The following GABRA3 variants were observed in gnomAD, a reference collection of about 807,000 sequenced individuals.
GABRA3 encodes gamma-aminobutyric acid receptor subunit alpha-3.
In GABRA3, 10 loss-of-function variants were observed where a neutral mutation model predicts 30.1. The observed-to-expected ratio is 0.33, with a 90% CI of 0.20 to 0.56. The LOEUF (loss-of-function observed/expected upper bound fraction) is 0.56, where lower values mean the gene tolerates loss of function less well. GABRA3 is among the 20% of genes least tolerant of loss of function. The probability of loss-of-function intolerance (pLI) is 0.89; values close to 1 mark genes in which losing one functional copy is unlikely to be tolerated. For missense variants in GABRA3, 233 were observed against 392.0 expected, an observed-to-expected ratio of 0.59 and a Z score of 3.42; for synonymous variants, 151 against 146.8, an observed-to-expected ratio of 1.03 and a Z score of -0.21.
chrX:152,314,982 A>G (rs2124462285), intron 3 of GABRA3, among the ~76,000 whole-genome samples: 1 of 111,188 alleles, frequency 9.0e-6, no homozygotes, highest in East Asian at 2.8e-4. Context: ...CTAGGAAAAA[A>G]AATGGTGGAT....
intron 3 of GABRA3, among the ~76,000 whole-genome samples, chrX:152,335,845 G>A (rs767995552): frequency 1.0e-4 from 11 of 110,271 alleles, no homozygotes; most frequent in Non-Finnish European, 1.9e-4. Context: ...TCAGCCTCTC[G>A]AGGAGCTGGG....
Position 152,436,905 on chromosome X carries a change from G to A in GABRA3, c.-27+14241C>T, listed in dbSNP as rs550869623. ...AAAATGAAAAGACAAGCCACAGAAG[G>A]GCAGAAAATATTTCCAAAACACATA... On this transcript the variant is annotated intron_variant, in intron 1 of 9. Coordinates refer to ENST00000370314, the MANE Select transcript of GABRA3 (RefSeq NM_000808.4). 9.0e-4 allele frequency among the ~76,000 whole-genome samples: 100 copies of A among 110,590 alleles called. 1 individual carries two copies. Among genetic ancestry groups the A allele is most frequent in the Middle Eastern group, 9.5e-3 (2 of 211 alleles).
chrX:152,315,028 A>G (rs1298534328), intron 3 of GABRA3, among the ~76,000 whole-genome samples: 1 of 111,460 alleles, frequency 9.0e-6, no homozygotes, highest in Non-Finnish European at 1.9e-5. Context: ...CCACTCGGGC[A>G]GACAGAGCAG....
intron 2 of GABRA3, among the ~76,000 whole-genome samples, chrX:152,352,217 C>A (rs1213808484): frequency 4.5e-5 from 5 of 111,305 alleles, no homozygotes; most frequent in Non-Finnish European, 9.4e-5. Context: ...AACATGCTAT[C>A]CACAAAGCAC....
intron 4 of GABRA3, among the ~76,000 whole-genome samples, chrX:152,281,818 T>C (rs973836940): frequency 8.9e-6 from 1 of 112,504 alleles, no homozygotes; most frequent in Admixed American, 9.5e-5. Context: ...TCAGGTTCTG[T>C]GCTAAATGCT....
chrX:152,224,735 G>A, intron 6 of GABRA3, 28 bp downstream of exon 6: 4 of 1,004,764 alleles, frequency 4.0e-6, no homozygotes, highest in African/African-American at 1.9e-5. Context: ...AAAAAAAAAA[G>A]ACAGAGAGAG....
chrX:152,245,656 G>T (rs751749950), intron 5 of GABRA3, among the ~76,000 whole-genome samples: 2 of 111,915 alleles, frequency 1.8e-5, no homozygotes, highest in Non-Finnish European at 3.8e-5. Context: ...TCATGTATCT[G>T]TGTCTTTTCA....
At chrX:152,297,004 C>A (rs1939542044) in intron 3 of GABRA3, among the ~76,000 whole-genome samples, 1 of 111,738 alleles carries the variant, frequency 8.9e-6, no homozygotes, top group South Asian at 3.7e-4. Context: ...GGCCAGCCAG[C>A]TGCTTTTCTG....
intron 5 of GABRA3, among the ~76,000 whole-genome samples, chrX:152,230,875 T>G (rs912471305): frequency 1.8e-5 from 2 of 110,479 alleles, no homozygotes; most frequent in Non-Finnish European, 3.8e-5. Context: ...AAAATCTTTG[T>G]TATCTTGAGT....
chrX:152,337,793 C>T (rs1464824613), intron 3 of GABRA3, among the ~76,000 whole-genome samples: 1 of 111,705 alleles, frequency 9.0e-6, no homozygotes, highest in Non-Finnish European at 1.9e-5. Flanking sequence ...CACTCCAGCT[C>T]GGGCAACAGA....
At chrX:152,314,962 GA>G (rs1314490462) in intron 3 of GABRA3, among the ~76,000 whole-genome samples, 2 of 111,165 alleles carry the variant, frequency 1.8e-5, no homozygotes, top group East Asian at 5.7e-4. Flanking sequence ...TGAATAAAAA[GA>G]TTTTTTTTCT....
At chrX:152,205,733 A>AT (rs1194508985) in intron 7 of GABRA3, among the ~76,000 whole-genome samples, 8 of 111,851 alleles carry the variant, frequency 7.2e-5, no homozygotes, top group Non-Finnish European at 1.3e-4. Flanking sequence ...GATTATGTGC[A>AT]TTTAGTGACA....
chrX:152,366,945 A>T (rs766530546), intron 1 of GABRA3, among the ~76,000 whole-genome samples: 7 of 111,534 alleles, frequency 6.3e-5, no homozygotes, highest in Non-Finnish European at 1.1e-4. Context: ...CTGTAGCAGA[A>T]AGGTAAGATA....
chrX:152,438,599 C>T (rs893950780), intron 1 of GABRA3, among the ~76,000 whole-genome samples: 1 of 112,310 alleles, frequency 8.9e-6, no homozygotes, highest in African/African-American at 3.2e-5. Context: ...AACTGTGGTA[C>T]AGCCTATGTG....
intron 1 of GABRA3, among the ~76,000 whole-genome samples, chrX:152,364,862 G>T (rs756645224): frequency 6.3e-5 from 7 of 111,218 alleles, no homozygotes; most frequent in Non-Finnish European, 1.3e-4. Flanking sequence ...AGCACAAACA[G>T]CCCTAAGTCA....
At chrX:152,425,376 G>A (rs1385691945) in intron 1 of GABRA3, among the ~76,000 whole-genome samples, 3 of 110,382 alleles carry the variant, frequency 2.7e-5, no homozygotes, top group East Asian at 5.7e-4. Context: ...TCCCAATAAC[G>A]CTCTCTATAG....
chrX:152,442,044 A>G (rs1930943747), intron 1 of GABRA3, among the ~76,000 whole-genome samples: 2 of 111,516 alleles, frequency 1.8e-5, no homozygotes, highest in Non-Finnish European at 1.9e-5. Flanking sequence ...GCGAAGTAAC[A>G]TTATAGAAGC....
intron 1 of GABRA3, among the ~76,000 whole-genome samples, chrX:152,427,012 T>C (rs1314136531): frequency 8.9e-6 from 1 of 111,830 alleles, no homozygotes. Flanking sequence ...TTTATATTTA[T>C]TAAGTTATTT....
intron 1 of GABRA3, among the ~76,000 whole-genome samples, chrX:152,368,855 G>A (rs1170196082): frequency 9.2e-6 from 1 of 108,420 alleles, no homozygotes. Flanking sequence ...ACAGGCACCG[G>A]CCACCACGCC....
Sources: gnomAD v4.1 joint callset for allele counts (sites outside exome capture counted in the v4.1 genomes callset) on GRCh38, gnomAD v4.1.1 for gene constraint, MANE v1.5 for transcripts, NCBI Gene and HGNC (gene_info 2026-07-23, HGNC 2026-07-21) for gene names.